The following MAP4 variants were observed in gnomAD, a reference collection of about 807,000 sequenced individuals.
MAP4 encodes the protein microtubule associated protein 4, also known as microtubule-associated protein 4.
In MAP4, 76 loss-of-function variants were observed where a neutral mutation model predicts 170.2. That is an observed-to-expected ratio of 0.45 (90% CI 0.37 to 0.54). The LOEUF (loss-of-function observed/expected upper bound fraction) is 0.54, where lower values mean the gene tolerates loss of function less well. Ranked by LOEUF, MAP4 falls within the 20% of genes least tolerant of loss-of-function variation. MAP4 has a pLI of 0.00. For missense variants in MAP4, 2,506 were observed against 2,748.0 expected, an observed-to-expected ratio of 0.91 and a Z score of 1.97; for synonymous variants, 909 against 994.5, an observed-to-expected ratio of 0.91 and a Z score of 1.62.
intron 10 of MAP4, among the ~76,000 whole-genome samples, chr3:47,889,082 C>G (rs1194058204): frequency 6.6e-6 from 1 of 152,308 alleles, no homozygotes; most frequent in East Asian, 1.9e-4. Flanking sequence ...GCTATTCTGT[C>G]CTGGGCAGAG....
At chr3:48,023,693 G>A (rs1227233202) in intron 1 of MAP4, among the ~76,000 whole-genome samples, 1 of 152,146 alleles carries the variant, frequency 6.6e-6, no homozygotes, top group African/African-American at 2.4e-5. Context: ...AGTTGGCTGT[G>A]TTCAATATTC....
chr3:47,955,282 C>T lies in MAP4; in HGVS notation c.292+22583G>A, dbSNP rs147180846. 4.6e-3 allele frequency among the ~76,000 whole-genome samples: 693 copies of T among 152,174 alleles called. 1 individual carries two copies. Among genetic ancestry groups the T allele is most frequent in the South Asian group, 0.01 (49 of 4,808 alleles). ...CCTGAATAATGCCTTTTTCTTCATA[C>T]AAATCTGCAAGAACCACCAGAAGCA... On this transcript the variant is annotated intron_variant, in intron 3 of 20. Transcript: ENST00000683076.
intron 1 of MAP4, among the ~76,000 whole-genome samples, chr3:48,001,778 GGT>G (rs1202241585): frequency 6.6e-6 from 1 of 152,196 alleles, no homozygotes; most frequent in African/African-American, 2.4e-5. Context: ...CAGGATTACA[GGT>G]GTGAGCCCCT....
At chr3:47,860,294 C>T (rs566867194) in intron 17 of MAP4, among the ~76,000 whole-genome samples, 2 of 152,360 alleles carry the variant, frequency 1.3e-5, no homozygotes, top group Admixed American at 1.3e-4. Flanking sequence ...ACTGTAGCCT[C>T]AACCTCCCAG....
intron 1 of MAP4, among the ~76,000 whole-genome samples, chr3:48,087,495 A>G (rs990932194): frequency 6.6e-6 from 1 of 151,516 alleles, no homozygotes; most frequent in African/African-American, 2.4e-5. Context: ...CCCTCACCAC[A>G]CCCATTTCTC....
rs78266678 is a variant in MAP4 at position 48,076,501 on chromosome 3, TA to T, written c.-20+12271del. On this transcript the variant is annotated intron_variant, in intron 1 of 18. Coordinates refer to the MAP4 transcript ENST00000360240. ...TGGGTGACAGAACGAGACTACATCT[TA>T]AAAAAAAAAAAAAAAAGGTTACCAA... 7.1e-3 allele frequency among the ~76,000 whole-genome samples: 864 copies of T among 121,912 alleles called. 1 individual carries two copies. The highest frequency in any genetic ancestry group is 0.01 in the African/African-American group (333 of 32,628). 80.0% of individuals were successfully genotyped at this position (121,912 alleles called of 152,430 possible).
At chr3:47,980,895 C>T (rs1578717167) in intron 2 of MAP4, among the ~76,000 whole-genome samples, 1 of 152,114 alleles carries the variant, frequency 6.6e-6, no homozygotes, top group Non-Finnish European at 1.5e-5. Flanking sequence ...TGATATCCAG[C>T]GAGTGGTATA....
intron 1 of MAP4, among the ~76,000 whole-genome samples, chr3:48,012,810 T>C (rs2100105955): frequency 6.6e-6 from 1 of 152,212 alleles, no homozygotes; most frequent in African/African-American, 2.4e-5. Context: ...TGAGCACATC[T>C]AGCTAGCCAC....
At chr3:48,007,370 G>A (rs2100102901) in intron 1 of MAP4, among the ~76,000 whole-genome samples, 1 of 152,192 alleles carries the variant, frequency 6.6e-6, no homozygotes, top group Non-Finnish European at 1.5e-5. Context: ...GGCATATTTG[G>A]ATTTTGGAAG....
upstream of MAP4, among the ~76,000 whole-genome samples, chr3:48,019,871 T>C (rs951959474): frequency 6.6e-6 from 1 of 152,216 alleles, no homozygotes; most frequent in Non-Finnish European, 1.5e-5. Flanking sequence ...AGTGAGGCCC[T>C]GTCTTGAAAA....
At position 47,921,801 on chromosome 3, in the gene MAP4, A is replaced by G; in HGVS notation, c.493T>C (p.Phe165Leu). Reference protein sequence around the residue: ...PSSATADTSIFAGQNDPLKDS... With the variant: ...PSSATADTSILAGQNDPLKDS... ...TTCAAGGGATCATTTTGTCCTGCAA[A>G]TATTGAAGTATCAGCTGTCGCACTG... The change falls in exon 5 of 21, where the codon TTT (phenylalanine) becomes CTT (leucine). Residue 165 changes from phenylalanine (F) to leucine (L), a missense_variant. By Grantham distance (22) the Phe-to-Leu change is conservative (BLOSUM62 0). Around this residue, in one of 3 missense-constraint regions of MAP4, gnomAD observed 2,008 missense variants for 2,206.0 expected, o/e 0.91. Transcript: ENST00000683076. 5 of 1,611,616 alleles carry G rather than the reference A, an allele frequency of 3.1e-6. No individual in the cohort carries two copies. The highest frequency in any genetic ancestry group is 4.2e-6 in the Non-Finnish European group (5 of 1,177,708).
At chr3:47,899,435 C>T (rs1006613662) in intron 10 of MAP4, among the ~76,000 whole-genome samples, 21 of 152,230 alleles carry the variant, frequency 1.4e-4, no homozygotes, top group Admixed American at 1.2e-3. Flanking sequence ...CCACCGCACC[C>T]GGCCCCTTGC....
chr3:47,852,719 C>T lies in MAP4; in HGVS notation c.*215G>A, dbSNP rs776156135. On this transcript the variant is annotated 3_prime_UTR_variant, in exon 21 of 21. Transcript: ENST00000683076. Reference sequence around the variant, plus strand: ...GAGGTGTGGGGCAGGGCTGCTGCTGCCCCGGGCACGCAAAGCAGGAGGGAA... The same window carrying T: ...GAGGTGTGGGGCAGGGCTGCTGCTGTCCCGGGCACGCAAAGCAGGAGGGAA... The T allele has an allele frequency of 1.2e-5, 18 of 1,511,996 alleles. No homozygotes were observed. Among genetic ancestry groups the T allele is most frequent in the East Asian group, 2.5e-5 (1 of 40,672 alleles). The allele number at this position is 1,511,996 out of a possible 1,614,324, so 93.7% of individuals were successfully genotyped here.
chr3:47,882,412 C>T (rs1453696174), intron 10 of MAP4, among the ~76,000 whole-genome samples: 1 of 151,886 alleles, frequency 6.6e-6, no homozygotes, highest in Non-Finnish European at 1.5e-5. Flanking sequence ...CTGTTGGTTA[C>T]CTGAACATTT....
intron 4 of MAP4, among the ~76,000 whole-genome samples, chr3:47,922,894 A>T (rs1316489304): frequency 2.0e-5 from 3 of 152,104 alleles, no homozygotes; most frequent in African/African-American, 7.2e-5. Context: ...CTAAAAATAT[A>T]AAAAAATTAG....
At position 48,056,184 on chromosome 3, in the gene MAP4, C is replaced by A. The variant is rs1192193199; in HGVS notation, c.-20+32589G>T. On this transcript the variant is annotated intron_variant, in intron 1 of 18. Transcript: ENST00000360240. ...GAGGTGGGGGGTCAGCCCCCCCGCC[C>A]CGCCAGCCATGCCGTCCGGGAGGGA... is the stretch of plus-strand genomic sequence containing the variant. Among the ~76,000 whole-genome samples, 73 of 129,900 alleles carry A rather than the reference C, an allele frequency of 5.6e-4. 1 individual carries two copies. The highest frequency in any genetic ancestry group is 1.2e-3 in the Non-Finnish European group (66 of 57,244). 85.2% of individuals were successfully genotyped at this position (129,900 alleles called of 152,430 possible). A position where few individuals can be genotyped will look rare whatever the true frequency, so the allele number is the denominator to read the frequency against.
chr3:48,045,557 C>A (rs1185197046), intron 1 of MAP4, among the ~76,000 whole-genome samples: 2 of 152,246 alleles, frequency 1.3e-5, no homozygotes, highest in East Asian at 3.9e-4. Context: ...TCCCCTCCCC[C>A]AGCGTCCCCT....
intron 1 of MAP4, among the ~76,000 whole-genome samples, chr3:48,037,509 C>T (rs1050916268): frequency 6.6e-6 from 1 of 152,096 alleles, no homozygotes; most frequent in East Asian, 1.9e-4. Context: ...ATCCTCCCAC[C>T]TCAGCCTCCC....
At chr3:47,983,365 A>C (rs929547234) in intron 2 of MAP4, among the ~76,000 whole-genome samples, 1 of 151,912 alleles carries the variant, frequency 6.6e-6, no homozygotes, top group Non-Finnish European at 1.5e-5. Context: ...GTGCACCGCC[A>C]CAGTTGGCTT....
Sources: allele counts gnomAD v4.1 joint callset (sites outside exome capture counted in the v4.1 genomes callset), GRCh38; gene constraint gnomAD v4.1.1; regional missense constraint gnomAD v4.1.1; transcripts MANE v1.5; gene names NCBI Gene and HGNC (gene_info 2026-07-23, HGNC 2026-07-21).